Variants in ZSWIM6 observed in about 807,000 individuals in gnomAD.
ZSWIM6 encodes the protein zinc finger SWIM domain-containing protein 6.
A neutral mutation model predicts 113.2 loss-of-function variants in ZSWIM6; 9 were observed. The ratio of observed to expected loss-of-function variants is 0.08; its 90% confidence interval spans 0.05 to 0.14. The LOEUF is 0.14. ZSWIM6 is among the 10% of genes least tolerant of loss of function. The pLI, the probability that ZSWIM6 is intolerant of heterozygous loss-of-function variation, is 1.00. For synonymous variants in ZSWIM6, 611 were observed against 606.5 expected (o/e 1.01, Z -0.11); for missense variants, 1,162 against 1,552.2 (o/e 0.75, Z 4.22).
At chr5:61,492,547 T>G (rs770988058) in intron 3 of ZSWIM6, among the ~76,000 whole-genome samples, 14 of 152,124 alleles carry the variant, frequency 9.2e-5, no homozygotes, top group Non-Finnish European at 1.2e-4. Context: ...TTTACATGGT[T>G]GTTGTGAAAA....
At chr5:61,489,242 C>T (rs1227910329) in intron 2 of ZSWIM6, among the ~76,000 whole-genome samples, 2 of 152,030 alleles carry the variant, frequency 1.3e-5, no homozygotes, top group Non-Finnish European at 2.9e-5. Context: ...AGGCAGATCT[C>T]AGCTCAGTGC....
intron 1 of ZSWIM6, among the ~76,000 whole-genome samples, chr5:61,390,207 C>G (rs1182999841): frequency 1.3e-5 from 2 of 152,188 alleles, no homozygotes; most frequent in African/African-American, 2.4e-5. Flanking sequence ...TCAGAGTAAT[C>G]TACCATATTT....
In ZSWIM6 at chr5:61,384,590, G is replaced by A. The variant is rs539891257; in HGVS notation, c.676+51642G>A. Among the ~76,000 whole-genome samples the A allele has an allele frequency of 3.9e-5, 6 of 152,310 alleles. No individual in the cohort carries two copies. The East Asian group carries it at 9.6e-4, about 24-fold the overall frequency. ...TAGGCGACCAGTTTGGCTTTAGTGAGATTATTGTTTCTGTTTGCTTGGATA... is the reference window on the plus strand; with the variant it reads ...TAGGCGACCAGTTTGGCTTTAGTGAAATTATTGTTTCTGTTTGCTTGGATA... On this transcript the variant is annotated intron_variant, in intron 1 of 13. Coordinates refer to ENST00000252744, the MANE Select transcript of ZSWIM6 (RefSeq NM_020928.2).
intron 4 of ZSWIM6, among the ~76,000 whole-genome samples, chr5:61,496,342 A>G (rs990501750): frequency 6.6e-6 from 1 of 152,158 alleles, no homozygotes; most frequent in Non-Finnish European, 1.5e-5. Flanking sequence ...AATGGGGTCT[A>G]AGTTCTGTGA....
intron 4 of ZSWIM6, among the ~76,000 whole-genome samples, chr5:61,496,585 C>T (rs2112223116): frequency 6.6e-6 from 1 of 152,164 alleles, no homozygotes; most frequent in South Asian, 2.1e-4. Context: ...GTTTTGTCGG[C>T]AAATGGGATC....
At chr5:61,425,055 A>T (rs1359747205) in intron 1 of ZSWIM6, among the ~76,000 whole-genome samples, 1 of 152,200 alleles carries the variant, frequency 6.6e-6, no homozygotes, top group African/African-American at 2.4e-5. Context: ...TAGCAAGTTA[A>T]TTAAACTCTC....
intron 1 of ZSWIM6, among the ~76,000 whole-genome samples, chr5:61,373,096 C>T (rs1038622628): frequency 6.6e-6 from 1 of 152,082 alleles, no homozygotes; most frequent in African/African-American, 2.4e-5. Flanking sequence ...TCTTTTTATT[C>T]ATTTACGTTT....
chr5:61,410,300 A>G (rs2112112768), intron 1 of ZSWIM6, among the ~76,000 whole-genome samples: 2 of 145,954 alleles, frequency 1.4e-5, no homozygotes, highest in East Asian at 4.1e-4. Flanking sequence ...GTAATAATGG[A>G]TGTATTTCCT....
intron 1 of ZSWIM6, among the ~76,000 whole-genome samples, chr5:61,452,375 A>G (rs906194309): frequency 3.3e-5 from 5 of 152,120 alleles, no homozygotes; most frequent in African/African-American, 4.8e-5. Context: ...AATGTTATGA[A>G]CATTATTTTG....
At chr5:61,393,001 T>A (rs996889447) in intron 1 of ZSWIM6, among the ~76,000 whole-genome samples, 2 of 152,076 alleles carry the variant, frequency 1.3e-5, no homozygotes, top group African/African-American at 4.8e-5. Context: ...TTCTCATATA[T>A]ATATATAAAA....
Position 61,472,579 on chromosome 5 carries a change from T to C in ZSWIM6, c.677-102T>C, listed in dbSNP as rs1747598024. The C allele has an allele frequency of 1.1e-5, 10 of 896,006 alleles. No homozygotes were observed. Among genetic ancestry groups the C allele is most frequent in the Non-Finnish European group, 1.6e-5 (10 of 620,148 alleles). The allele number at this position is 896,006 out of a possible 1,614,324, so 55.5% of individuals were successfully genotyped here. On this transcript the variant is annotated intron_variant, in intron 1 of 13. Transcript: ENST00000252744. This position sits in a 1 kb window ranked among gnomAD's most constrained non-coding sequence, Gnocchi z 4.1. ...TTGAATATAGAGGCTGTCATATTTT[T>C]TTCTTGCTGCTGTCAAGTCCCACAC...
At chr5:61,374,710 C>G (rs993834478) in intron 1 of ZSWIM6, among the ~76,000 whole-genome samples, 11 of 150,420 alleles carry the variant, frequency 7.3e-5, no homozygotes, top group Non-Finnish European at 1.3e-4. Context: ...CTCGCCACCA[C>G]GCCCGGCTGA....
intron 1 of ZSWIM6, among the ~76,000 whole-genome samples, chr5:61,431,545 A>G (rs1358231735): frequency 6.6e-6 from 1 of 151,714 alleles, no homozygotes; most frequent in Non-Finnish European, 1.5e-5. Context: ...GGAGATAGAG[A>G]CCATCCTGGC....
At chr5:61,470,251 A>G (rs1456009832) in intron 1 of ZSWIM6, among the ~76,000 whole-genome samples, 2 of 152,212 alleles carry the variant, frequency 1.3e-5, no homozygotes, top group Admixed American at 6.5e-5. Flanking sequence ...GACTGATTTT[A>G]TAAATGGTCA....
At chr5:61,384,247 CAAAA>C (rs57899277) in intron 1 of ZSWIM6, among the ~76,000 whole-genome samples, 6 of 77,496 alleles carry the variant, frequency 7.7e-5, no homozygotes, top group African/African-American at 8.8e-5. Flanking sequence ...GACTCCGTCT[CAAAA>C]AAAAAAAAAA....
chr5:61,340,439 A>G (rs1355065359), intron 1 of ZSWIM6, among the ~76,000 whole-genome samples: 1 of 152,208 alleles, frequency 6.6e-6, no homozygotes, highest in African/African-American at 2.4e-5. Context: ...CCACATGCAT[A>G]TTTCAGTGAC....
chr5:61,370,780 C>T (rs1745246830), intron 1 of ZSWIM6, among the ~76,000 whole-genome samples: 1 of 152,180 alleles, frequency 6.6e-6, no homozygotes, highest in African/African-American at 2.4e-5. Flanking sequence ...ACACCAATTG[C>T]CAGCAATGGA....
At chr5:61,395,273 A>G (rs370367073) in intron 1 of ZSWIM6, among the ~76,000 whole-genome samples, 9 of 152,282 alleles carry the variant, frequency 5.9e-5, no homozygotes, top group African/African-American at 2.2e-4. Flanking sequence ...TGGTGAAGGT[A>G]TAAAAGTGTG....
chr5:61,384,653 G>A (rs1745557460), intron 1 of ZSWIM6, among the ~76,000 whole-genome samples: 1 of 152,138 alleles, frequency 6.6e-6, no homozygotes. Flanking sequence ...GAATGTTGAT[G>A]GAATATTAGA....
Sources: gnomAD v4.1 joint callset for allele counts (sites outside exome capture counted in the v4.1 genomes callset) on GRCh38, gnomAD v4.1.1 for gene constraint, Gnocchi (gnomAD v3.1) non-coding constraint, MANE v1.5 for transcripts, NCBI Gene and HGNC (gene_info 2026-07-23, HGNC 2026-07-21) for gene names.